Variants in TTC28 observed in about 807,000 individuals in gnomAD.
TTC28 encodes tetratricopeptide repeat domain 28.
Under a neutral mutation model 198.0 loss-of-function variants are expected in TTC28, and 61 were observed. The observed-to-expected ratio is 0.31, with a 90% CI of 0.25 to 0.38. The LOEUF is 0.38. Ranked by LOEUF, TTC28 falls within the 10% of genes least tolerant of loss-of-function variation. The pLI is 1.00. For synonymous variants in TTC28, 1,171 were observed against 1,297.8 expected, an observed-to-expected ratio of 0.90 and a Z score of 2.10; for missense variants, 2,678 against 3,164.0, an observed-to-expected ratio of 0.85 and a Z score of 3.69.
At chr22:28,156,075 T>A (rs544806261) in intron 6 of TTC28, among the ~76,000 whole-genome samples, 1 of 152,220 alleles carries the variant, frequency 6.6e-6, no homozygotes, top group Non-Finnish European at 1.5e-5. Flanking sequence ...AAATGATGAC[T>A]TCAGAGTTCT....
intron 2 of TTC28, among the ~76,000 whole-genome samples, chr22:28,484,060 C>G (rs1160944945): frequency 1.3e-5 from 2 of 152,276 alleles, no homozygotes; most frequent in Non-Finnish European, 2.9e-5. Context: ...CTACAGTCAT[C>G]TCCTATCACC....
At chr22:28,053,364 T>C (rs1025746557) in intron 12 of TTC28, among the ~76,000 whole-genome samples, 53 of 152,306 alleles carry the variant, frequency 3.5e-4, no homozygotes, top group Admixed American at 2.9e-3. Context: ...TACTGAGAAA[T>C]AAAATAAGAA....
At chr22:28,499,021 T>A (rs956132861) in intron 2 of TTC28, among the ~76,000 whole-genome samples, 112 of 151,656 alleles carry the variant, frequency 7.4e-4, no homozygotes, top group African/African-American at 1.9e-3. Flanking sequence ...GCAAAAAAAA[T>A]TTTTTTTAAT....
rs989382560 is a variant in TTC28 at position 27,989,912 on chromosome 22, C to T, written c.5673G>A (p.Arg1891=). 1 of 1,551,250 alleles carries T rather than the reference C, an allele frequency of 6.4e-7. No homozygotes were observed. The highest frequency in any genetic ancestry group is 2.4e-5 in the East Asian group (1 of 40,922). Residue 1891 remains arginine, a synonymous_variant, in exon 21 of 23, where the codon CGG becomes CGA. Transcript: ENST00000397906. ...IQVSISVQLW[R]LPGCHEFLAA... ...CCAGGAACTCGTGGCATCCCGGGAGCCGCCACAGCTGGACGCTGATGGAGA... is the reference window on the plus strand; with the variant it reads ...CCAGGAACTCGTGGCATCCCGGGAGTCGCCACAGCTGGACGCTGATGGAGA...
intron 5 of TTC28, among the ~76,000 whole-genome samples, chr22:28,230,128 G>A (rs891224422): frequency 6.6e-6 from 1 of 152,206 alleles, no homozygotes; most frequent in Non-Finnish European, 1.5e-5. Flanking sequence ...GATTCTGACC[G>A]GCATCACTTC....
At chr22:28,273,759 T>C (rs1482095603) in intron 5 of TTC28, among the ~76,000 whole-genome samples, 1 of 152,038 alleles carries the variant, frequency 6.6e-6, no homozygotes, top group Admixed American at 6.6e-5. Context: ...GCTCAGTGAA[T>C]CTCACACAGA....
At chr22:28,534,390 G>T in intron 2 of TTC28, among the ~76,000 whole-genome samples, 2 of 152,196 alleles carry the variant, frequency 1.3e-5, no homozygotes, top group Middle Eastern at 3.4e-3. Context: ...TTAGAATGGC[G>T]ATCATTAAAA....
At chr22:28,389,053 G>C (rs1370545374) in intron 2 of TTC28, among the ~76,000 whole-genome samples, 296 of 150,846 alleles carry the variant, frequency 2.0e-3, no homozygotes, top group Middle Eastern at 3.4e-3. Flanking sequence ...TAGCATGAAG[G>C]GTTGTTGAAT....
intron 5 of TTC28, among the ~76,000 whole-genome samples, chr22:28,253,823 G>A (rs188850495): frequency 6.6e-6 from 1 of 152,206 alleles, no homozygotes; most frequent in Admixed American, 6.5e-5. Flanking sequence ...GAATTTATGG[G>A]GCCGGGCACA....
intron 20 of TTC28, among the ~76,000 whole-genome samples, chr22:27,990,586 C>T (rs549271550): frequency 5.3e-5 from 8 of 152,244 alleles, no homozygotes; most frequent in Admixed American, 2.6e-4. Flanking sequence ...GCAAGAAGGG[C>T]GGAGCAGGAA....
chr22:28,335,398 T>A (rs1403538371), intron 2 of TTC28, among the ~76,000 whole-genome samples: 8 of 152,142 alleles, frequency 5.3e-5, no homozygotes, highest in Non-Finnish European at 7.4e-5. Context: ...GAAGAAAGTC[T>A]GTGGTAGCTT....
intron 6 of TTC28, among the ~76,000 whole-genome samples, chr22:28,141,287 T>TCC (rs1943327602): frequency 6.6e-6 from 1 of 152,220 alleles, no homozygotes; most frequent in South Asian, 2.1e-4. Flanking sequence ...GGCTTTAGTT[T>TCC]CCTTCATAGT....
At position 28,357,507 on chromosome 22, in the gene TTC28, C is replaced by T. The variant is rs7289112; in HGVS notation, c.382-50864G>A. Among the ~76,000 whole-genome samples the T allele has an allele frequency of 6.7e-3, 1,011 of 151,848 alleles. 16 individuals carry two copies. The highest frequency in any genetic ancestry group is 0.023 in the African/African-American group (964 of 41,410). On this transcript the variant is annotated intron_variant, in intron 2 of 22. Transcript: ENST00000397906. ...TTAACTTTTTGTAGAGACAAGGTCTCACTATGTTGCCCAGGCTGGTCCTGA... is the reference window on the plus strand; with the variant it reads ...TTAACTTTTTGTAGAGACAAGGTCTTACTATGTTGCCCAGGCTGGTCCTGA...
chr22:28,677,175 A>AAT (rs143954002), intron 1 of TTC28, among the ~76,000 whole-genome samples: 98 of 69,406 alleles, frequency 1.4e-3, no homozygotes, highest in African/African-American at 4.9e-3. Context: ...AAAAAAAAAA[A>AAT]ATATATATAT....
Position 28,077,299 on chromosome 22 carries a change from T to A in TTC28, c.3932+16781A>T, listed in dbSNP as rs201233771. ...GGTATGTACATATGCGATCTACTTA[T>A]TTATTTACTGAAACAGGGTCTCATT... On this transcript the variant is annotated intron_variant, in intron 12 of 22. Coordinates refer to ENST00000397906, the MANE Select transcript of TTC28 (RefSeq NM_001145418.2). Among the ~76,000 whole-genome samples, 8 of 152,220 alleles carry A rather than the reference T, an allele frequency of 5.3e-5. No homozygotes were observed. In the East Asian group the frequency reaches 1.3e-3, roughly 26 times the overall value.
At chr22:28,534,015 C>T (rs2049205457) in intron 2 of TTC28, among the ~76,000 whole-genome samples, 1 of 152,166 alleles carries the variant, frequency 6.6e-6, no homozygotes, top group Non-Finnish European at 1.5e-5. Context: ...GACTTCATGA[C>T]TAAAACACCA....
chr22:28,222,269 C>T (rs1261981391), intron 5 of TTC28, among the ~76,000 whole-genome samples: 1 of 152,144 alleles, frequency 6.6e-6, no homozygotes, highest in Non-Finnish European at 1.5e-5. Flanking sequence ...GCTCTGATCA[C>T]CAGATGTGAG....
intron 13 of TTC28, among the ~76,000 whole-genome samples, chr22:28,027,831 G>A (rs768343403): frequency 1.3e-5 from 2 of 152,256 alleles, no homozygotes; most frequent in Non-Finnish European, 2.9e-5. Context: ...GGGAAGCTGC[G>A]AGGCATGTTT....
intron 2 of TTC28, among the ~76,000 whole-genome samples, chr22:28,443,911 G>A (rs1330312469): frequency 1.3e-5 from 2 of 152,126 alleles, no homozygotes; most frequent in African/African-American, 2.4e-5. Flanking sequence ...AAGTACTCTA[G>A]GCCAAAATCT....
Sources: gnomAD v4.1 joint callset for allele counts (sites outside exome capture counted in the v4.1 genomes callset) on GRCh38, gnomAD v4.1.1 for gene constraint, MANE v1.5 for transcripts, NCBI Gene and HGNC (gene_info 2026-07-23, HGNC 2026-07-21) for gene names.